BCAT1: variants seen among roughly 807,000 people sequenced by gnomAD.
BCAT1 encodes branched chain amino acid transaminase 1.
BCAT1 carries 48 observed loss-of-function variants against 52.4 expected under a neutral mutation model. The observed-to-expected ratio is 0.92, with a 90% CI of 0.73 to 1.16. The LOEUF (loss-of-function observed/expected upper bound fraction) is 1.16, where lower values mean the gene tolerates loss of function less well. Ranked by LOEUF, BCAT1 falls within the 50% of genes most tolerant of loss-of-function variation. The pLI, the probability that BCAT1 is intolerant of heterozygous loss-of-function variation, is 0.00. For synonymous variants in BCAT1, 167 were observed against 161.3 expected, an observed-to-expected ratio of 1.04 and a Z score of -0.27; for missense variants, 451 against 457.1, an observed-to-expected ratio of 0.99 and a Z score of 0.12.
At chr12:24,902,031 C>G (rs1943118645) in intron 1 of BCAT1, 146 bp from the exon 2 acceptor site, 3 of 1,562,670 alleles carry the variant, frequency 1.9e-6, no homozygotes, top group Non-Finnish European at 2.6e-6. Context: ...AACCAAGCAC[C>G]CAGGCCCGAA....
Position 24,832,870 on chromosome 12 carries a change from G to A in BCAT1, c.904-7C>T. On this transcript the variant is annotated splice_polypyrimidine_tract_variant and splice_region_variant and intron_variant, in intron 8 of 10. Transcript: ENST00000261192. Reference sequence around the variant, plus strand: ...CTGACACCTTAAATTCACCCTGCATGGAATATAAAAAATAACAAGTATATT... The same window carrying A: ...CTGACACCTTAAATTCACCCTGCATAGAATATAAAAAATAACAAGTATATT... 1 of 1,599,644 alleles carries A rather than the reference G, an allele frequency of 6.3e-7. No individual in the cohort carries two copies. The highest frequency in any genetic ancestry group is 8.5e-7 in the Non-Finnish European group (1 of 1,173,652).
rs2291894 is a variant in BCAT1, at chr12:24,901,957, G to A, written c.7-72C>T. On this transcript the variant is annotated intron_variant, in intron 1 of 10. Transcript: ENST00000261192. The stretch of plus-strand genomic sequence containing the variant: ...CGGGACCCGGGGTAACCTACGTGAC[G>A]CTCACCATGATACCGTGCGCTCCTC... 1,050,247 of 1,610,706 alleles carry A rather than the reference G, an allele frequency of 0.65. 343,602 individuals are homozygous for A. The highest frequency in any genetic ancestry group is 0.66 in the Admixed American group (39,075 of 59,490).
At chr12:24,850,180 C>CA (rs1276127580) in intron 5 of BCAT1, among the ~76,000 whole-genome samples, 1 of 152,072 alleles carries the variant, frequency 6.6e-6, no homozygotes, top group Admixed American at 6.6e-5. Context: ...AGGATTTTAG[C>CA]AAAAAAGCTA....
chr12:24,912,787 T>C (rs1449808466), intron 1 of BCAT1, among the ~76,000 whole-genome samples: 2 of 152,114 alleles, frequency 1.3e-5, no homozygotes, highest in African/African-American at 4.8e-5. Flanking sequence ...ATGTGATATA[T>C]GTTCAAGAAA....
chr12:24,829,338 C>T (rs573558241), intron 10 of BCAT1, among the ~76,000 whole-genome samples: 21 of 152,058 alleles, frequency 1.4e-4, no homozygotes, highest in Non-Finnish European at 2.6e-4. Flanking sequence ...GAGCCAAGAT[C>T]GTGCCATCGT....
Position 24,878,591 on chromosome 12 carries a change from T to C in BCAT1, c.449A>G (p.Glu150Gly), listed in dbSNP as rs1942410968. The change falls in exon 5 of 11, where the codon GAA becomes GGA. Residue 150 changes from glutamate to glycine, a missense_variant. By Grantham distance (98) the Glu-to-Gly change is moderately conservative (BLOSUM62 -2). Transcript: ENST00000261192. Reference protein sequence around the residue: ...CIQQLVKLDQEWVPYSTSASL... With the variant: ...CIQQLVKLDQGWVPYSTSASL... ...AGCAGATGTTGAATATGGGACCCAT[T>C]CTTGATCCAATTTCACAAGCTGTTG... 6.2e-7 allele frequency: 1 copy of C among 1,610,630 alleles called. No individual in the cohort carries two copies. Among genetic ancestry groups the C allele is most frequent in the African/African-American group, 1.3e-5 (1 of 74,820 alleles).
chr12:24,844,664 G>A (rs1259968133), intron 6 of BCAT1, among the ~76,000 whole-genome samples: 1 of 147,798 alleles, frequency 6.8e-6, no homozygotes, highest in Non-Finnish European at 1.5e-5. Context: ...TTTGGGAGGC[G>A]AGACGGCCGG....
chr12:24,844,823 G>A (rs191684249), intron 6 of BCAT1, among the ~76,000 whole-genome samples: 316 of 147,630 alleles, frequency 2.1e-3, no homozygotes, highest in African/African-American at 7.5e-3. Flanking sequence ...CGTGAACCCG[G>A]GAGGTGGAGC....
At chr12:24,878,735 T>A in intron 4 of BCAT1, 86 bp from the exon 5 acceptor site, 1 of 1,232,930 alleles carries the variant, frequency 8.1e-7, no homozygotes, top group Non-Finnish European at 1.1e-6. Flanking sequence ...ATTTAAACTG[T>A]TAAAAAATTA....
At chr12:24,928,704 TTTGTTGTTGTTG>T (rs71063374) in intron 1 of BCAT1, among the ~76,000 whole-genome samples, 15,211 of 144,086 alleles carry the variant, frequency 0.11, 1,038 homozygotes, top group East Asian at 0.28. Context: ...GTGTGAAATG[TTTGTTGTTGTTG>T]TTGTTGTTGT....
Position 24,831,523 on chromosome 12 carries a change from C to T in BCAT1, c.1044+1200G>A, listed in dbSNP as rs150711262. Among the ~76,000 whole-genome samples the T allele has an allele frequency of 2.6e-3, 395 of 152,270 alleles. 1 individual carries two copies. Among genetic ancestry groups the T allele is most frequent in the African/African-American group, 9.3e-3 (385 of 41,562 alleles). On this transcript the variant is annotated intron_variant, in intron 9 of 10. Coordinates refer to ENST00000261192, the MANE Select transcript of BCAT1 (RefSeq NM_005504.7). ...AATTAGCTGGGTGTGGTGGTGCACA[C>T]CTGTGGTCCCAGCTACTTGGGAGAC...
At chr12:24,921,517 C>T (rs1303754399) in intron 1 of BCAT1, among the ~76,000 whole-genome samples, 1 of 152,174 alleles carries the variant, frequency 6.6e-6, no homozygotes, top group Non-Finnish European at 1.5e-5. Flanking sequence ...AACTCTTTTT[C>T]ACCAATGATG....
At chr12:24,842,032 C>G (rs771254404) in intron 7 of BCAT1, 50 bp downstream of exon 7, 1 of 1,591,396 alleles carries the variant, frequency 6.3e-7, no homozygotes, top group Non-Finnish European at 8.6e-7. Flanking sequence ...TCTTTCTGGT[C>G]CTGTTGAAAA....
chr12:24,942,298 T>A (rs924302909), intron 1 of BCAT1, among the ~76,000 whole-genome samples: 4 of 151,978 alleles, frequency 2.6e-5, no homozygotes, highest in Admixed American at 6.6e-5. Context: ...CCCAGTAGTT[T>A]GGGAGGCCAA....
chr12:24,939,812 C>T (rs559353622), intron 1 of BCAT1, among the ~76,000 whole-genome samples: 11 of 152,166 alleles, frequency 7.2e-5, no homozygotes, highest in African/African-American at 2.2e-4. Context: ...CCAGTCTGGG[C>T]GACAGAGCAA....
upstream of BCAT1, chr12:24,949,304 C>G (rs961396354): frequency 9.9e-6 from 3 of 302,116 alleles, no homozygotes; most frequent in East Asian, 1.4e-4. Context: ...GCAAATGACA[C>G]GGTTACCCCC....
chr12:24,836,978 A>AGAGG (rs1330882528), intron 7 of BCAT1, among the ~76,000 whole-genome samples: 2 of 142,704 alleles, frequency 1.4e-5, no homozygotes, highest in African/African-American at 5.2e-5. Context: ...AGAAAGAGAG[A>AGAGG]GAGGGAGGGA....
chr12:24,823,883 G>A (rs756009079), intron 10 of BCAT1, among the ~76,000 whole-genome samples: 8 of 152,150 alleles, frequency 5.3e-5, no homozygotes, highest in South Asian at 2.1e-4. Context: ...TGTGAGAACA[G>A]ACTACTACAT....
chr12:24,816,748 C>G lies in BCAT1; in HGVS notation c.*1260G>C, dbSNP rs904831973. ...AGTTTTGTGGAAGACAATTTTTCCA[C>G]AGACTGCAGGGTGAAGGGTGGTTTC... On this transcript the variant is annotated 3_prime_UTR_variant, in exon 11 of 11. Coordinates refer to ENST00000261192, the MANE Select transcript of BCAT1 (RefSeq NM_005504.7). 7.6e-6 allele frequency: 3 copies of G among 393,260 alleles called. No individual in the cohort carries two copies. Among genetic ancestry groups the G allele is most frequent in the African/African-American group, 6.2e-5 (3 of 48,444 alleles). The allele number at this position is 393,260 out of a possible 1,614,324, so 24.4% of individuals were successfully genotyped here.
Sources: gnomAD v4.1 joint callset for allele counts (sites outside exome capture counted in the v4.1 genomes callset) on GRCh38, gnomAD v4.1.1 for gene constraint, MANE v1.5 for transcripts, NCBI Gene and HGNC (gene_info 2026-07-23, HGNC 2026-07-21) for gene names.